Variants in XPR1 observed in about 807,000 individuals in gnomAD.
The protein encoded by XPR1 is xenotropic and polytropic retrovirus receptor 1.
A neutral mutation model predicts 87.5 loss-of-function variants in XPR1; 28 were observed. That is an observed-to-expected ratio of 0.32 (90% confidence interval 0.24 to 0.44). The LOEUF (loss-of-function observed/expected upper bound fraction) is 0.44, where lower values mean the gene tolerates loss of function less well. Among genes scored for constraint, XPR1 ranks in the 20% least tolerant of loss-of-function variants. The probability of loss-of-function intolerance (pLI) is 1.00; values close to 1 mark genes in which losing one functional copy is unlikely to be tolerated. For synonymous variants in XPR1, 300 were observed against 306.1 expected (o/e 0.98, Z 0.21); for missense variants, 559 against 862.3 (o/e 0.65, Z 4.41).
intron 2 of XPR1, among the ~76,000 whole-genome samples, chr1:180,774,607 C>T (rs936768226): frequency 2.0e-5 from 3 of 151,786 alleles, no homozygotes; most frequent in African/African-American, 7.3e-5. Flanking sequence ...TGGGGTTTCA[C>T]CGTGTTAGCC....
intron 13 of XPR1, chr1:180,878,356 CTCT>C (rs1447643493): frequency 1.3e-5 from 2 of 152,160 alleles, no homozygotes; most frequent in African/African-American, 2.4e-5. Flanking sequence ...TATAGCAAAA[CTCT>C]TCAAGAGGCG....
At chr1:180,722,846 G>A (rs773430429) in intron 2 of XPR1, among the ~76,000 whole-genome samples, 7 of 152,148 alleles carry the variant, frequency 4.6e-5, no homozygotes, top group Non-Finnish European at 8.8e-5. Flanking sequence ...TGTTTACACA[G>A]ATCAGTGGAA....
Position 180,673,457 on chromosome 1 carries a change from A to G in XPR1, c.70-8903A>G, listed in dbSNP as rs191437546. ...TTCACATCAGCAATCATCTAAAAAT[A>G]AAGTAGGAACATATTTTATATCATC... On this transcript the variant is annotated intron_variant, in intron 1 of 14. Coordinates refer to ENST00000367590, the MANE Select transcript of XPR1 (RefSeq NM_004736.4). 2.1e-3 allele frequency among the ~76,000 whole-genome samples: 314 copies of G among 152,334 alleles called. 1 individual carries two copies. Among genetic ancestry groups the G allele is most frequent in the Non-Finnish European group, 3.6e-3 (244 of 68,028 alleles).
At chr1:180,777,735 A>G (rs1267454292) in intron 2 of XPR1, among the ~76,000 whole-genome samples, 1 of 152,218 alleles carries the variant, frequency 6.6e-6, no homozygotes, top group Non-Finnish European at 1.5e-5. Context: ...ACACTCTTAA[A>G]AAAACACACA....
intron 7 of XPR1, among the ~76,000 whole-genome samples, chr1:180,822,090 A>C (rs1469182780): frequency 6.6e-6 from 1 of 152,222 alleles, no homozygotes; most frequent in Non-Finnish European, 1.5e-5. Context: ...TTCACTTAAC[A>C]GCTAGAGTAG....
chr1:180,825,034 C>G, intron 8 of XPR1, 91 bp downstream of exon 8: 1 of 1,503,268 alleles, frequency 6.7e-7, no homozygotes, highest in Non-Finnish European at 8.9e-7. Flanking sequence ...CCATCCTCTA[C>G]TTGAAGAGGA....
chr1:180,708,071 G>GA (rs1170003176), intron 2 of XPR1, among the ~76,000 whole-genome samples: 1 of 152,150 alleles, frequency 6.6e-6, no homozygotes, highest in East Asian at 1.9e-4. Context: ...CGGCCAATAT[G>GA]AAAAAACTGG....
chr1:180,857,521 A>G (rs1177406380), intron 11 of XPR1, among the ~76,000 whole-genome samples: 2 of 152,250 alleles, frequency 1.3e-5, no homozygotes, highest in East Asian at 1.9e-4. Context: ...TCTCTGCCCC[A>G]TAAACTTGTT....
intron 2 of XPR1, among the ~76,000 whole-genome samples, chr1:180,771,447 A>G (rs1057386652): frequency 6.6e-6 from 1 of 152,184 alleles, no homozygotes; most frequent in African/African-American, 2.4e-5. Context: ...TCGTAGTGCA[A>G]TTACCAGAAC....
chr1:180,730,761 C>T (rs541704794), intron 2 of XPR1, among the ~76,000 whole-genome samples: 7 of 152,072 alleles, frequency 4.6e-5, no homozygotes, highest in Non-Finnish European at 1.0e-4. Context: ...CATCCATGCT[C>T]AAGTGATCCT....
chr1:180,696,206 GTGTATATATATATA>G (rs1416835861), intron 2 of XPR1, among the ~76,000 whole-genome samples: 2 of 102,060 alleles, frequency 2.0e-5, no homozygotes, highest in Non-Finnish European at 4.0e-5. Context: ...GTGTGTGTGT[GTGTATATATATATA>G]TATATATATA....
intron 2 of XPR1, among the ~76,000 whole-genome samples, chr1:180,696,208 G>GTGTGTATA (rs1241189679): frequency 9.0e-5 from 8 of 88,590 alleles, no homozygotes; most frequent in African/African-American, 1.1e-4. Context: ...GTGTGTGTGT[G>GTGTGTATA]TATATATATA....
At position 180,886,516 on chromosome 1, in the gene XPR1, G is replaced by A. The variant is rs989306501; in HGVS notation, c.*2450G>A. The A allele has an allele frequency of 3.9e-5, 6 of 152,032 alleles. No homozygotes were observed. The highest frequency in any genetic ancestry group is 2.1e-4 in the South Asian group (1 of 4,820). 9.4% of individuals were successfully genotyped at this position (152,032 alleles called of 1,614,324 possible). A position where few individuals can be genotyped will look rare whatever the true frequency, so the allele number is the denominator to read the frequency against. ...ACTGTTACAGTTCTAGGCCCTAATC[G>A]GTCTTATTCTTTCACATATGATGCA... On this transcript the variant is annotated 3_prime_UTR_variant, in exon 15 of 15. Coordinates refer to ENST00000367590, the MANE Select transcript of XPR1 (RefSeq NM_004736.4).
intron 1 of XPR1, among the ~76,000 whole-genome samples, chr1:180,647,635 A>C (rs1655161756): frequency 6.6e-6 from 1 of 152,164 alleles, no homozygotes; most frequent in Non-Finnish European, 1.5e-5. Flanking sequence ...ATCGTGGCTC[A>C]CACTTGTAAT....
rs1401618520 is a variant in XPR1 at position 180,784,540 on chromosome 1, A to G, written c.122-3213A>G. Among the ~76,000 whole-genome samples, 6 of 152,028 alleles carry G rather than the reference A, an allele frequency of 3.9e-5. No individual in the cohort carries two copies. In the East Asian group the frequency reaches 1.2e-3, roughly 29 times the overall value. ...AACTTTGCTTGTGGTGTTTTATGGA[A>G]TGGAAATTTTTTATTTTCTGAAAGT... On this transcript the variant is annotated intron_variant, in intron 2 of 14. Transcript: ENST00000367590.
At chr1:180,650,099 C>T (rs953438804) in intron 1 of XPR1, among the ~76,000 whole-genome samples, 3 of 152,018 alleles carry the variant, frequency 2.0e-5, no homozygotes, top group Admixed American at 1.3e-4. Context: ...GTCACCTTCC[C>T]ATTATTTTTA....
At chr1:180,715,935 A>G (rs1436137007) in intron 2 of XPR1, among the ~76,000 whole-genome samples, 1 of 152,098 alleles carries the variant, frequency 6.6e-6, no homozygotes, top group East Asian at 1.9e-4. Flanking sequence ...AGCCTCCCAA[A>G]GTGCTGGGAT....
chr1:180,634,663 A>T (rs1210780964), intron 1 of XPR1, among the ~76,000 whole-genome samples: 2 of 152,082 alleles, frequency 1.3e-5, no homozygotes, highest in African/African-American at 4.8e-5. Context: ...ACTGGTGGTG[A>T]AATTTTTGTA....
chr1:180,643,927 G>T (rs1465740562), intron 1 of XPR1, among the ~76,000 whole-genome samples: 3 of 152,108 alleles, frequency 2.0e-5, no homozygotes. Flanking sequence ...AAGCCTCTTA[G>T]AATGTCTTTA....
Sources: gnomAD v4.1 joint callset for allele counts (sites outside exome capture counted in the v4.1 genomes callset) on GRCh38, gnomAD v4.1.1 for gene constraint, MANE v1.5 for transcripts, NCBI Gene and HGNC (gene_info 2026-07-23, HGNC 2026-07-21) for gene names.